STYX: variants seen among roughly 807,000 people sequenced by gnomAD.
STYX encodes the protein serine/threonine/tyrosine-interacting protein.
STYX carries 20 observed loss-of-function variants against 42.7 expected under a neutral mutation model. The ratio of observed to expected loss-of-function variants is 0.47; its 90% confidence interval spans 0.33 to 0.68. The LOEUF (loss-of-function observed/expected upper bound fraction) is 0.68, where lower values mean the gene tolerates loss of function less well. STYX is among the 30% of genes least tolerant of loss of function. The probability of loss-of-function intolerance (pLI) is 0.02; values close to 1 mark genes in which losing one functional copy is unlikely to be tolerated. For missense variants in STYX, 226 were observed against 268.5 expected (o/e 0.84, Z 1.11); for synonymous variants, 78 against 81.9 (o/e 0.95, Z 0.26).
At chr14:52,754,542 G>A (rs538248569) in intron 4 of STYX, among the ~76,000 whole-genome samples, 11 of 152,054 alleles carry the variant, frequency 7.2e-5, no homozygotes, top group African/African-American at 2.7e-4. Flanking sequence ...TAAGTACTTC[G>A]GAAGGTATAG....
chr14:52,738,982 T>C (rs1027089403), intron 1 of STYX, among the ~76,000 whole-genome samples: 8 of 152,178 alleles, frequency 5.3e-5, no homozygotes, highest in Non-Finnish European at 1.0e-4. Flanking sequence ...ACTTTTTTTT[T>C]TTTTGTATAC....
At chr14:52,746,981 T>C (rs1478412496) in intron 3 of STYX, among the ~76,000 whole-genome samples, 1 of 152,196 alleles carries the variant, frequency 6.6e-6, no homozygotes, top group Non-Finnish European at 1.5e-5. Context: ...TGAGCACCAG[T>C]ATGTCACTCG....
At chr14:52,751,609 A>G (rs919268116) in intron 4 of STYX, among the ~76,000 whole-genome samples, 13 of 152,194 alleles carry the variant, frequency 8.5e-5, no homozygotes, top group African/African-American at 2.4e-4. Context: ...TTAATTTCTC[A>G]AAGTCTAATG....
At chr14:52,767,173 G>A (rs1019956509) in intron 9 of STYX, among the ~76,000 whole-genome samples, 2 of 152,172 alleles carry the variant, frequency 1.3e-5, no homozygotes, top group African/African-American at 4.8e-5. Flanking sequence ...CACGTATTTG[G>A]GGAAAAGCAT....
intron 6 of STYX, 92 bp from the exon 7 acceptor site, chr14:52,757,651 G>A: frequency 8.9e-7 from 1 of 1,125,902 alleles, no homozygotes; most frequent in South Asian, 1.3e-5. Context: ...AGTGATTATA[G>A]TATATAAGGA....
intron 9 of STYX, among the ~76,000 whole-genome samples, chr14:52,761,445 GT>G (rs1349362753): frequency 6.6e-6 from 1 of 151,360 alleles, no homozygotes; most frequent in Non-Finnish European, 1.5e-5. Flanking sequence ...TTTGATAGAT[GT>G]TTCCAGATTG....
At chr14:52,752,885 T>G (rs867859327) in intron 4 of STYX, among the ~76,000 whole-genome samples, 1,683 of 142,976 alleles carry the variant, frequency 0.012, 17 homozygotes, top group African/African-American at 0.036. Flanking sequence ...TGTTGTTGTT[T>G]TTTTTTTTTT....
At chr14:52,735,688 T>G (rs534564622) in intron 1 of STYX, among the ~76,000 whole-genome samples, 1 of 152,334 alleles carries the variant, frequency 6.6e-6, no homozygotes, top group African/African-American at 2.4e-5. Context: ...CAGGGAGCAC[T>G]ACCTGGAAAT....
rs1369798332 is a variant in STYX at position 52,746,599 on chromosome 14, T to C, written c.144+120T>C. On this transcript the variant is annotated intron_variant, in intron 3 of 10. Transcript: ENST00000354586. ...ATCCACAAATACTGTCTGTTAACAGTAATTGTCACTCTGGAGTACCTTCCT... is the reference window on the plus strand; with the variant it reads ...ATCCACAAATACTGTCTGTTAACAGCAATTGTCACTCTGGAGTACCTTCCT... 1.7e-5 allele frequency: 13 copies of C among 777,808 alleles called. 1 individual carries two copies. Among genetic ancestry groups the C allele is most frequent in the East Asian group, 6.4e-5 (2 of 31,236 alleles). The allele number at this position is 777,808 out of a possible 1,614,324, so 48.2% of individuals were successfully genotyped here. A position where few individuals can be genotyped will look rare whatever the true frequency, so the allele number is the denominator to read the frequency against.
chr14:52,742,805 T>C (rs1440332684), intron 1 of STYX, among the ~76,000 whole-genome samples: 2 of 151,868 alleles, frequency 1.3e-5, no homozygotes, highest in African/African-American at 4.8e-5. Flanking sequence ...TGATTTTTTT[T>C]TTTTTTTTGA....
At chr14:52,753,375 C>T (rs1041237925) in intron 4 of STYX, among the ~76,000 whole-genome samples, 1 of 151,834 alleles carries the variant, frequency 6.6e-6, no homozygotes, top group African/African-American at 2.4e-5. Flanking sequence ...TTAGTACAGA[C>T]GGGGTTTCAC....
intron 6 of STYX, 120 bp from the exon 7 acceptor site, chr14:52,757,623 A>AAG (rs1881925555): frequency 1.1e-6 from 1 of 930,402 alleles, no homozygotes; most frequent in African/African-American, 1.7e-5. Flanking sequence ...ACAAATTGTA[A>AAG]AGATTTGAAG....
intron 1 of STYX, among the ~76,000 whole-genome samples, chr14:52,740,383 A>G (rs969789696): frequency 3.9e-5 from 6 of 152,206 alleles, no homozygotes; most frequent in Admixed American, 6.5e-5. Context: ...TAAATTAGTC[A>G]TTATTTTATG....
chr14:52,731,814 T>C (rs1032759831), intron 1 of STYX: 1 of 152,010 alleles, frequency 6.6e-6, no homozygotes, highest in South Asian at 2.1e-4. Context: ...GTAGAGACTT[T>C]GTTTGTGACT....
At chr14:52,760,147 A>G (rs936986674) in intron 9 of STYX, among the ~76,000 whole-genome samples, 1 of 152,234 alleles carries the variant, frequency 6.6e-6, no homozygotes, top group Non-Finnish European at 1.5e-5. Flanking sequence ...TTGAGGCTAC[A>G]GTGAACAGTG....
chr14:52,751,736 A>G (rs924818760), intron 4 of STYX, among the ~76,000 whole-genome samples: 4 of 152,310 alleles, frequency 2.6e-5, no homozygotes, highest in South Asian at 2.1e-4. Flanking sequence ...TATATTACGC[A>G]TGGTACAAAA....
At chr14:52,762,607 G>T in intron 9 of STYX, among the ~76,000 whole-genome samples, 1 of 150,864 alleles carries the variant, frequency 6.6e-6, no homozygotes. Context: ...ATCCTTTTCT[G>T]GTTTTACTAT....
At chr14:52,756,647 T>A in intron 5 of STYX, 36 bp downstream of exon 5, 1 of 890,048 alleles carries the variant, frequency 1.1e-6, no homozygotes. Flanking sequence ...CATTTAAAAT[T>A]TATTTATGAT....
chr14:52,761,153 A>AC (rs1359802727), intron 9 of STYX, among the ~76,000 whole-genome samples: 2 of 151,946 alleles, frequency 1.3e-5, no homozygotes, highest in South Asian at 4.2e-4. Context: ...ACATGGGGAA[A>AC]CCCCATCTCT....
Sources: gnomAD v4.1 joint callset for allele counts (sites outside exome capture counted in the v4.1 genomes callset) on GRCh38, gnomAD v4.1.1 for gene constraint, MANE v1.5 for transcripts, NCBI Gene and HGNC (gene_info 2026-07-23, HGNC 2026-07-21) for gene names.